ASAP1: variants seen among roughly 807,000 people sequenced by gnomAD.
ASAP1 encodes the protein arf-GAP with SH3 domain, ANK repeat and PH domain-containing protein 1.
Under a neutral mutation model 145.2 loss-of-function variants are expected in ASAP1, and 43 were observed. The observed-to-expected ratio is 0.30, with a 90% CI of 0.23 to 0.38. The LOEUF is 0.38. Among genes scored for constraint, ASAP1 ranks in the 10% least tolerant of loss-of-function variants. The pLI, the probability that ASAP1 is intolerant of heterozygous loss-of-function variation, is 1.00. For missense variants in ASAP1, 1,018 were observed against 1,355.3 expected, an observed-to-expected ratio of 0.75 and a Z score of 3.91; for synonymous variants, 546 against 515.5, an observed-to-expected ratio of 1.06 and a Z score of -0.80.
intron 3 of ASAP1, among the ~76,000 whole-genome samples, chr8:130,244,025 A>G (rs1261606325): frequency 1.3e-5 from 2 of 152,090 alleles, no homozygotes; most frequent in Non-Finnish European, 2.9e-5. Context: ...TTCACAGGTG[A>G]TGACCTATTA....
At chr8:130,223,117 A>C (rs752081459) in intron 4 of ASAP1, among the ~76,000 whole-genome samples, 7 of 152,208 alleles carry the variant, frequency 4.6e-5, no homozygotes, top group Non-Finnish European at 1.0e-4. Flanking sequence ...GGAAAAATGC[A>C]AAAAAATTAT....
At chr8:130,339,916 G>A (rs542307826) in intron 3 of ASAP1, among the ~76,000 whole-genome samples, 1 of 152,296 alleles carries the variant, frequency 6.6e-6, no homozygotes, top group African/African-American at 2.4e-5. Context: ...CCTACAGACA[G>A]TACTTCTTCT....
chr8:130,144,629 G>A (rs1182965193), intron 13 of ASAP1, among the ~76,000 whole-genome samples: 2 of 152,104 alleles, frequency 1.3e-5, no homozygotes, highest in Non-Finnish European at 2.9e-5. Flanking sequence ...CTTCCCTCCA[G>A]ATGCACGTTC....
intron 13 of ASAP1, among the ~76,000 whole-genome samples, chr8:130,151,217 A>G (rs2097645503): frequency 6.6e-6 from 1 of 151,608 alleles, no homozygotes; most frequent in South Asian, 2.1e-4. Context: ...CTAAAAATAC[A>G]AAAATTAGCC....
chr8:130,180,687 G>A, intron 8 of ASAP1, 64 bp downstream of exon 8: 1 of 1,548,336 alleles, frequency 6.5e-7, no homozygotes, highest in Non-Finnish European at 8.7e-7. Flanking sequence ...AAAGACTGCT[G>A]ACTAGCAGGA....
rs1444029268 is a variant in ASAP1 at position 130,358,238 on chromosome 8, C to T, written c.60-95G>A. The T allele has an allele frequency of 2.1e-6, 2 of 968,870 alleles. No individual in the cohort carries two copies. Among genetic ancestry groups the T allele is most frequent in the African/African-American group, 3.5e-5 (2 of 57,626 alleles). The allele number at this position is 968,870 out of a possible 1,614,324, so 60.0% of individuals were successfully genotyped here. A position where few individuals can be genotyped will look rare whatever the true frequency, so the allele number is the denominator to read the frequency against. On this transcript the variant is annotated intron_variant, in intron 2 of 29. Transcript: ENST00000518721. The surrounding 1 kb of genome is among the most constrained non-coding windows in gnomAD (Gnocchi z 4.1). ...CCGCCCGGAGGCTCATGAACCCCGG[C>T]GCGCAGCCCGCCACCCGCCGCCCGG...
intron 27 of ASAP1, among the ~76,000 whole-genome samples, chr8:130,072,515 C>T (rs1322844964): frequency 7.2e-6 from 1 of 139,832 alleles, no homozygotes; most frequent in African/African-American, 2.6e-5. Context: ...ACTGTGAGTC[C>T]ATTAAACTTC....
chr8:130,335,966 G>C (rs1333648522), intron 3 of ASAP1, among the ~76,000 whole-genome samples: 1 of 152,132 alleles, frequency 6.6e-6, no homozygotes, highest in Non-Finnish European at 1.5e-5. Context: ...TATGAAGTAT[G>C]ATTACTGGGA....
intron 1 of ASAP1, among the ~76,000 whole-genome samples, chr8:130,406,412 C>T (rs145868891): frequency 6.6e-5 from 10 of 151,992 alleles, no homozygotes; most frequent in African/African-American, 2.2e-4. Context: ...AGAACAAACA[C>T]ATCTGGGTTA....
intron 25 of ASAP1, among the ~76,000 whole-genome samples, chr8:130,089,115 G>T (rs917826128): frequency 3.9e-5 from 6 of 152,162 alleles, no homozygotes; most frequent in African/African-American, 1.4e-4. Flanking sequence ...CACCAGTGGG[G>T]ACAAAAGGGT....
chr8:130,254,061 C>A (rs981393455), intron 3 of ASAP1, among the ~76,000 whole-genome samples: 1 of 152,148 alleles, frequency 6.6e-6, no homozygotes, highest in Non-Finnish European at 1.5e-5. Context: ...TGGTCCTATA[C>A]ATACAGAATA....
chr8:130,429,605 T>C (rs72726221), intron 1 of ASAP1, among the ~76,000 whole-genome samples: 12,657 of 152,256 alleles, frequency 0.083, 609 homozygotes, highest in Middle Eastern at 0.13. Context: ...TGGTGTATGA[T>C]TACCCTCTGT....
intron 3 of ASAP1, among the ~76,000 whole-genome samples, chr8:130,282,895 C>T (rs182681179): frequency 5.8e-4 from 88 of 152,242 alleles, no homozygotes; most frequent in African/African-American, 1.6e-3. Flanking sequence ...GGTTTCGCTG[C>T]GGCAAAGTTA....
chr8:130,247,402 T>G (rs960142804), intron 3 of ASAP1, among the ~76,000 whole-genome samples: 1 of 152,140 alleles, frequency 6.6e-6, no homozygotes, highest in African/African-American at 2.4e-5. Context: ...CCCTAAGATA[T>G]GCAGCTAATA....
At chr8:130,229,703 C>T (rs1586641049) in intron 4 of ASAP1, among the ~76,000 whole-genome samples, 2 of 152,122 alleles carry the variant, frequency 1.3e-5, no homozygotes, top group South Asian at 4.1e-4. Context: ...TTTATATTCA[C>T]CTTTAACAGA....
chr8:130,228,139 CAA>C (rs1231297627), intron 4 of ASAP1, among the ~76,000 whole-genome samples: 1 of 152,052 alleles, frequency 6.6e-6, no homozygotes, highest in African/African-American at 2.4e-5. Context: ...GTAGAAAAAC[CAA>C]GGTCCTGAGA....
chr8:130,395,851 A>G (rs1330193371), intron 2 of ASAP1, among the ~76,000 whole-genome samples: 3 of 152,160 alleles, frequency 2.0e-5, no homozygotes, highest in Non-Finnish European at 2.9e-5. Context: ...TTTTTAGTAG[A>G]GATGGGGTTT....
chr8:130,441,067 A>G (rs935834392), intron 1 of ASAP1, among the ~76,000 whole-genome samples: 2 of 152,212 alleles, frequency 1.3e-5, no homozygotes, highest in Admixed American at 6.5e-5. Flanking sequence ...CAGGTGCTCA[A>G]TGCATGGTTG....
At chr8:130,188,221 A>G (rs1379704100) in intron 5 of ASAP1, 38 bp from the exon 6 acceptor site, 9 of 1,520,768 alleles carry the variant, frequency 5.9e-6, no homozygotes, top group Non-Finnish European at 8.2e-6. Context: ...TGGTTAAAAA[A>G]TAAAGTCCAC....
Sources: allele counts gnomAD v4.1 joint callset (sites outside exome capture counted in the v4.1 genomes callset), GRCh38; gene constraint gnomAD v4.1.1; non-coding constraint Gnocchi (gnomAD v3.1); transcripts MANE v1.5; gene names NCBI Gene and HGNC (gene_info 2026-07-23, HGNC 2026-07-21).